NFIB: variants seen among roughly 807,000 people sequenced by gnomAD.
The protein encoded by NFIB is nuclear factor 1 B-type.
NFIB carries 11 observed loss-of-function variants against 61.5 expected under a neutral mutation model. That is an observed-to-expected ratio of 0.18 (90% CI 0.11 to 0.30). The LOEUF is 0.30. Among genes scored for constraint, NFIB ranks in the 10% least tolerant of loss-of-function variants. The probability of loss-of-function intolerance (pLI) is 1.00; values close to 1 mark genes in which losing one functional copy is unlikely to be tolerated. For missense variants in NFIB, 471 were observed against 608.9 expected (o/e 0.77, Z 2.38); for synonymous variants, 260 against 216.5 (o/e 1.20, Z -1.76).
intron 2 of NFIB, among the ~76,000 whole-genome samples, chr9:14,259,188 T>C (rs2056510368): frequency 6.6e-6 from 1 of 152,236 alleles, no homozygotes; most frequent in Non-Finnish European, 1.5e-5. Context: ...AACATTTCTT[T>C]GTTTTAAAAA....
At chr9:14,117,002 G>C (rs1394893653) in intron 8 of NFIB, among the ~76,000 whole-genome samples, 1 of 152,164 alleles carries the variant, frequency 6.6e-6, no homozygotes, top group Non-Finnish European at 1.5e-5. Context: ...CAAGAAGATA[G>C]AATAAGATGT....
At chr9:14,288,117 T>C (rs944984040) in intron 2 of NFIB, among the ~76,000 whole-genome samples, 3 of 152,100 alleles carry the variant, frequency 2.0e-5, no homozygotes, top group Non-Finnish European at 2.9e-5. Flanking sequence ...AATTATCTTC[T>C]CAATTCCAAA....
rs771109413 is a variant in NFIB at position 14,083,305 on chromosome 9, T to G, written c.*5004A>C. ...GTCAAAGGGCAAAATCAGTGGTCCA[T>G]GTTACCCCCCAACTGCAGGGCTCCA... is the stretch of plus-strand genomic sequence containing the variant. On this transcript the variant is annotated 3_prime_UTR_variant, in exon 11 of 11. Coordinates refer to ENST00000380953, the MANE Select transcript of NFIB (RefSeq NM_001190737.2). 1 of 225,882 alleles carries G rather than the reference T, an allele frequency of 4.4e-6. No individual in the cohort carries two copies. Among genetic ancestry groups the G allele is most frequent in the Non-Finnish European group, 8.8e-6 (1 of 113,240 alleles). 14.0% of individuals were successfully genotyped at this position (225,882 alleles called of 1,614,324 possible).
At chr9:14,223,615 T>G (rs564731615) in intron 2 of NFIB, among the ~76,000 whole-genome samples, 1 of 152,260 alleles carries the variant, frequency 6.6e-6, no homozygotes, top group East Asian at 1.9e-4. Flanking sequence ...CAATCAAAAG[T>G]TAAATTTTTT....
chr9:14,462,533 C>T, the NFIB span, among the ~76,000 whole-genome samples: 3 of 152,128 alleles, frequency 2.0e-5, no homozygotes, highest in African/African-American at 7.2e-5. Context: ...CAGCCCGCCT[C>T]GGCCTCCCAA....
the NFIB span, among the ~76,000 whole-genome samples, chr9:14,462,839 T>A: frequency 6.6e-6 from 1 of 152,206 alleles, no homozygotes; most frequent in African/African-American, 2.4e-5. Flanking sequence ...AGCCAATCAG[T>A]TTACTGTATT....
At chr9:14,137,414 T>C (rs1208750205) in intron 6 of NFIB, among the ~76,000 whole-genome samples, 1 of 152,188 alleles carries the variant, frequency 6.6e-6, no homozygotes, top group African/African-American at 2.4e-5. Context: ...AAAAATAATT[T>C]AAGAAACAGA....
chr9:14,095,202 T>C (rs956975469), intron 10 of NFIB, among the ~76,000 whole-genome samples: 4 of 152,144 alleles, frequency 2.6e-5, no homozygotes, highest in African/African-American at 7.2e-5. Flanking sequence ...TCTTCCTCAA[T>C]TGGCCAAATT....
intron 1 of NFIB, among the ~76,000 whole-genome samples, chr9:14,327,254 A>G (rs1444777529): frequency 6.6e-6 from 1 of 152,220 alleles, no homozygotes; most frequent in Non-Finnish European, 1.5e-5. Flanking sequence ...GTGAGGCCAC[A>G]TTCAAAAGAA....
At chr9:14,467,804 T>G in the NFIB span, among the ~76,000 whole-genome samples, 1 of 152,206 alleles carries the variant, frequency 6.6e-6, no homozygotes, top group Admixed American at 6.5e-5. Flanking sequence ...CCAAACATCT[T>G]ACATTTGATT....
the NFIB span, among the ~76,000 whole-genome samples, chr9:14,452,192 G>C: frequency 6.6e-6 from 1 of 152,168 alleles, no homozygotes; most frequent in Middle Eastern, 3.4e-3. Flanking sequence ...ACATTGATGT[G>C]AACCAAGAGG....
At chr9:14,110,253 A>G (rs751844244) in intron 10 of NFIB, among the ~76,000 whole-genome samples, 1 of 152,110 alleles carries the variant, frequency 6.6e-6, no homozygotes, top group Non-Finnish European at 1.5e-5. Flanking sequence ...TGTAGGCTCT[A>G]TTAAAGTTCT....
the NFIB span, among the ~76,000 whole-genome samples, chr9:14,460,639 A>T: frequency 2.0e-5 from 3 of 152,242 alleles, no homozygotes; most frequent in Non-Finnish European, 4.4e-5. Flanking sequence ...ATCATATTCT[A>T]TGTATAGACC....
At chr9:14,131,150 T>C (rs2040357341) in intron 6 of NFIB, among the ~76,000 whole-genome samples, 2 of 152,198 alleles carry the variant, frequency 1.3e-5, no homozygotes, top group Admixed American at 6.5e-5. Context: ...TATTCTTCAA[T>C]GTGTACACCC....
chr9:14,343,569 T>C (rs780279329), intron 1 of NFIB, among the ~76,000 whole-genome samples: 3 of 152,222 alleles, frequency 2.0e-5, no homozygotes, highest in Admixed American at 6.5e-5. Flanking sequence ...GGCTGCAGTC[T>C]GGATTCTTGC....
At chr9:14,317,195 G>A (rs1051628155), upstream of NFIB, 1 of 152,188 alleles carries the variant, frequency 6.6e-6, no homozygotes, top group Admixed American at 6.5e-5. Flanking sequence ...TTTCCCAACA[G>A]AAACCATTTC....
chr9:14,411,592 C>A, the NFIB span, among the ~76,000 whole-genome samples: 1 of 152,180 alleles, frequency 6.6e-6, no homozygotes, highest in African/African-American at 2.4e-5. Flanking sequence ...TTGAGAGCTA[C>A]TGCAAATCTT....
At chr9:14,244,403 T>C (rs1424987624) in intron 2 of NFIB, among the ~76,000 whole-genome samples, 1 of 152,204 alleles carries the variant, frequency 6.6e-6, no homozygotes, top group Non-Finnish European at 1.5e-5. Context: ...ATTCTGAATC[T>C]GCTGATTAAA....
chr9:14,144,109 G>A (rs1294873335), intron 6 of NFIB, among the ~76,000 whole-genome samples: 1 of 150,986 alleles, frequency 6.6e-6, no homozygotes, highest in African/African-American at 2.4e-5. Flanking sequence ...CCTCCAATAA[G>A]TCTAGTCATC....
Sources: allele counts gnomAD v4.1 joint callset (sites outside exome capture counted in the v4.1 genomes callset), GRCh38; gene constraint gnomAD v4.1.1; transcripts MANE v1.5; gene names NCBI Gene and HGNC (gene_info 2026-07-23, HGNC 2026-07-21).